PSG5: variants seen among roughly 807,000 people sequenced by gnomAD.
PSG5 encodes pregnancy specific beta-1-glycoprotein 5, also known as pregnancy-specific beta-1-glycoprotein 5.
PSG5 carries 53 observed loss-of-function variants against 37.7 expected under a neutral mutation model. The observed-to-expected ratio is 1.41, with a 90% confidence interval of 1.13 to 1.77. The LOEUF (loss-of-function observed/expected upper bound fraction) is 1.77, where lower values mean the gene tolerates loss of function less well. PSG5 is among the 40% of genes most tolerant of loss of function. The pLI is 0.00. For missense variants in PSG5, 547 were observed against 405.2 expected, an observed-to-expected ratio of 1.35 and a Z score of -3.00; for synonymous variants, 221 against 155.4, an observed-to-expected ratio of 1.42 and a Z score of -3.14.
At chr19:43,168,472 C>A (rs62112138) in intron 5 of PSG5, among the ~76,000 whole-genome samples, 7,620 of 151,430 alleles carry the variant, frequency 0.05, 368 homozygotes, top group Non-Finnish European at 0.063. Flanking sequence ...GGGTTCATGC[C>A]ATTCTCCTGC....
intron 2 of PSG5, among the ~76,000 whole-genome samples, chr19:43,181,768 T>A (rs1014956151): frequency 6.6e-6 from 1 of 151,834 alleles, no homozygotes; most frequent in Non-Finnish European, 1.5e-5. Context: ...TGAGGGATTT[T>A]AATGAGTTGT....
At chr19:43,180,780 G>A (rs1207631914) in intron 2 of PSG5, among the ~76,000 whole-genome samples, 1 of 139,252 alleles carries the variant, frequency 7.2e-6, no homozygotes, top group African/African-American at 2.8e-5. Context: ...CGCCAAAGGT[G>A]ATTTGAAATT....
At chr19:43,178,878 C>G (rs772118097) in intron 2 of PSG5, 11 of 1,612,822 alleles carry the variant, frequency 6.8e-6, no homozygotes, top group Middle Eastern at 1.7e-4. Flanking sequence ...AGGATACTCA[C>G]GGAGGAGATT....
chr19:43,186,470 C>T lies in PSG5; in HGVS notation c.-65G>A, dbSNP rs138160369. ...CTAGGATCCAGAAACTTCCTGAGCA[C>T]GGCTGTAGGCTGTGCTGTCCTTCCT... On this transcript the variant is annotated 5_prime_UTR_variant, in exon 1 of 6. In the 5' UTR this introduces an upstream ATG that the reference lacks. Transcript: ENST00000342951. 0.01 allele frequency: 16,376 copies of T among 1,602,304 alleles called. 615 individuals are homozygous for T. The highest frequency in any genetic ancestry group is 0.071 in the African/African-American group (5,279 of 74,216).
chr19:43,176,090 A>T lies in PSG5; in HGVS notation c.489T>A (p.Asp163Glu), dbSNP rs1865798897. Residue 163 changes from aspartate to glutamate, a missense_variant, in exon 3 of 6, where the codon GAT (aspartate) becomes GAA (glutamate). By Grantham distance (45) the Asp-to-Glu change is conservative (BLOSUM62 2). Transcript: ENST00000342951. ...TAGGTTCACAGGTGAAGGCTAAGAC[A>T]TCCTTATTCTCCCTGGGTTTTGAGT... ...INNSKPRENK[D>E]VLAFTCEPKS... The T allele has an allele frequency of 6.2e-7, 1 of 1,611,130 alleles. No individual in the cohort carries two copies. Among genetic ancestry groups the T allele is most frequent in the African/African-American group, 1.3e-5 (1 of 74,542 alleles).
intron 4 of PSG5, 160 bp downstream of exon 4, chr19:43,175,055 G>T (rs1353922453): frequency 6.5e-7 from 1 of 1,546,792 alleles, no homozygotes; most frequent in African/African-American, 1.4e-5. Context: ...GGAGAAGAGA[G>T]TTTGTAGAGA....
intron 2 of PSG5, chr19:43,180,382 G>A (rs1298312340): frequency 3.3e-5 from 5 of 151,706 alleles, no homozygotes; most frequent in East Asian, 1.9e-4. Flanking sequence ...AATATTTGCA[G>A]TACATGTACT....
rs537886262 is a variant in PSG5 at position 43,168,232 on chromosome 19, A to G, written c.*41-29T>C. 4.4e-4 allele frequency: 174 copies of G among 392,926 alleles called. 2 individuals are homozygous for G. Among genetic ancestry groups the G allele is most frequent in the African/African-American group, 3.3e-3 (156 of 47,960 alleles). 24.3% of individuals were successfully genotyped at this position (392,926 alleles called of 1,614,324 possible). On this transcript the variant is annotated intron_variant, in intron 5 of 5. Transcript: ENST00000342951. The stretch of plus-strand genomic sequence containing the variant: ...GGAAAGACAAAGATTTAAACTGACT[A>G]TGGTTAAAAATCTAATGAGAATTTA...
chr19:43,173,059 A>G (rs1227253706), intron 4 of PSG5, among the ~76,000 whole-genome samples: 1 of 151,658 alleles, frequency 6.6e-6, no homozygotes, highest in African/African-American at 2.4e-5. Flanking sequence ...CATAGCCCAG[A>G]AAGAAATGCT....
At chr19:43,179,547 G>A (rs1969084162) in intron 2 of PSG5, among the ~76,000 whole-genome samples, 2 of 151,704 alleles carry the variant, frequency 1.3e-5, no homozygotes, top group African/African-American at 2.4e-5. Context: ...TTTGTCCCCC[G>A]AGGTATGTTT....
intron 1 of PSG5, among the ~76,000 whole-genome samples, chr19:43,185,436 C>T (rs760530505): frequency 6.7e-6 from 1 of 150,058 alleles, no homozygotes; most frequent in South Asian, 2.1e-4. Context: ...GGCACCCCCC[C>T]CCCCCCACAC....
At position 43,184,805 on chromosome 19, in the gene PSG5, C is replaced by G. The variant is rs765887469; in HGVS notation, c.407G>C (p.Gly136Ala). 1.1e-5 allele frequency: 18 copies of G among 1,612,280 alleles called. No individual in the cohort carries two copies. The highest frequency in any genetic ancestry group is 1.5e-5 in the Non-Finnish European group (18 of 1,179,042). ...KRGDRTRGVTGYFTFNLYLKL... is the reference protein window; with the variant it reads ...KRGDRTRGVTAYFTFNLYLKL... Reference sequence around the variant, plus strand: ...ACGGTATAAGTTGAAGGTGAAATATCCAGTTACTCCTCTAGTCCTATCACC... The same window carrying G: ...ACGGTATAAGTTGAAGGTGAAATATGCAGTTACTCCTCTAGTCCTATCACC... The change falls in exon 2 of 6, where the codon GGA becomes GCA. Residue 136 changes from glycine (G) to alanine (A), a missense_variant. Coordinates refer to ENST00000342951, the MANE Select transcript of PSG5 (RefSeq NM_002781.4).
chr19:43,175,246 T>C lies in PSG5; in HGVS notation c.933A>G (p.Glu311=), dbSNP rs1312665938. 15 of 1,612,552 alleles carry C rather than the reference T, an allele frequency of 9.3e-6. No individual in the cohort carries two copies. Among genetic ancestry groups the C allele is most frequent in the Non-Finnish European group, 1.3e-5 (15 of 1,179,142 alleles). ...CTTCGACTGTCATGGATTTGGAGCT[T>C]TCCTTGCCAGTAGCTGAGTTACGAA... ...CSVRNSATGK[E]SSKSMTVEVS... The change falls in exon 4 of 6, where the codon GAA becomes GAG. Residue 311 remains glutamate (E), a synonymous_variant. Coordinates refer to ENST00000342951, the MANE Select transcript of PSG5 (RefSeq NM_002781.4).
intron 4 of PSG5, chr19:43,174,748 G>A: frequency 3.6e-6 from 4 of 1,108,880 alleles, no homozygotes; most frequent in Non-Finnish European, 4.5e-6. Context: ...GCAGGAAGCA[G>A]AGTCTGAGCT....
At position 43,167,807 on chromosome 19, in the gene PSG5, T is replaced by G. The variant is rs1258341660; in HGVS notation, c.*437A>C. 4.1e-5 allele frequency: 10 copies of G among 241,360 alleles called. No individual in the cohort carries two copies. Among genetic ancestry groups the G allele is most frequent in the Non-Finnish European group, 7.2e-5 (9 of 125,514 alleles). 15.0% of individuals were successfully genotyped at this position (241,360 alleles called of 1,614,324 possible). A position where few individuals can be genotyped will look rare whatever the true frequency, so the allele number is the denominator to read the frequency against. Reference sequence around the variant, plus strand: ...ATACTCATGAATAGTTTCCCAATTCTGGGGCACTCAGATAGAGAGCAAAAG... The same window carrying G: ...ATACTCATGAATAGTTTCCCAATTCGGGGGCACTCAGATAGAGAGCAAAAG... On this transcript the variant is annotated 3_prime_UTR_variant, in exon 6 of 6. Transcript: ENST00000342951.
At chr19:43,175,120 C>A in intron 4 of PSG5, 95 bp downstream of exon 4, 1 of 1,606,640 alleles carries the variant, frequency 6.2e-7, no homozygotes, top group Non-Finnish European at 8.5e-7. Context: ...CCATGGGACA[C>A]AGGCTGGGAA....
rs1201569036 is a variant in PSG5, at chr19:43,184,913, G to C, written c.299C>G (p.Thr100Arg). 1.2e-6 allele frequency: 2 copies of C among 1,612,572 alleles called. No homozygotes were observed. The highest frequency in any genetic ancestry group is 1.1e-5 in the South Asian group (1 of 91,034). The change falls in exon 2 of 6, where the codon ACA (threonine) becomes AGA (arginine). Residue 100 changes from threonine (T) to arginine (R), a missense_variant. Thr to Arg is a moderately conservative substitution (Grantham distance 71). Coordinates refer to ENST00000342951, the MANE Select transcript of PSG5 (RefSeq NM_002781.4). ...CAGCAGGGATGCATTGGAATATACT[G>C]TTTCTCGTCCAGTGTATGCAGGCCC... ...IYGPAYTGRE[T>R]VYSNASLLIQ...
Position 43,178,839 on chromosome 19 carries a change from G to A in PSG5, c.431-2691C>T, listed in dbSNP as rs754548887. ...CCTGGCCTCTGGCCATGTGTATTTG[G>A]GATGGCAGCCTGGCTCACAGAGGAA... On this transcript the variant is annotated intron_variant, in intron 2 of 5. Transcript: ENST00000342951. 2.4e-5 allele frequency: 38 copies of A among 1,612,484 alleles called. No individual in the cohort carries two copies. The African/African-American group carries it at 5.0e-4, about 21-fold the overall frequency.
chr19:43,183,897 G>A lies in PSG5; in HGVS notation c.430+885C>T, dbSNP rs192724966. Among the ~76,000 whole-genome samples, 464 of 138,676 alleles carry A rather than the reference G, an allele frequency of 3.3e-3. 19 individuals carry two copies. Among genetic ancestry groups the A allele is most frequent in the African/African-American group, 0.012 (437 of 35,420 alleles). The allele number at this position is 138,676 out of a possible 152,430, so 91.0% of individuals were successfully genotyped here. On this transcript the variant is annotated intron_variant, in intron 2 of 5. Transcript: ENST00000342951. ...GTTTTCTCTCAATCAAATAAGCTAAGTGGCAAATGGACTGTGGATTTTCAT... is the reference window on the plus strand; with the variant it reads ...GTTTTCTCTCAATCAAATAAGCTAAATGGCAAATGGACTGTGGATTTTCAT...
Sources: allele counts gnomAD v4.1 joint callset (sites outside exome capture counted in the v4.1 genomes callset), GRCh38; gene constraint gnomAD v4.1.1; transcripts MANE v1.5; gene names NCBI Gene and HGNC (gene_info 2026-07-23, HGNC 2026-07-21).